The following NBAS variants were observed in gnomAD, a reference collection of about 807,000 sequenced individuals.
The protein encoded by NBAS is NBAS subunit of NRZ tethering complex.
NBAS carries 219 observed loss-of-function variants against 302.5 expected under a neutral mutation model. The ratio of observed to expected loss-of-function variants is 0.72; its 90% CI spans 0.65 to 0.81. NBAS has a LOEUF of 0.81. NBAS is among the 30% of genes least tolerant of loss of function. The probability of loss-of-function intolerance (pLI) is 0.00; values close to 1 mark genes in which losing one functional copy is unlikely to be tolerated. For synonymous variants in NBAS, 1,118 were observed against 1,021.6 expected (o/e 1.09, Z -1.80); for missense variants, 2,932 against 2,841.6 (o/e 1.03, Z -0.72).
intron 19 of NBAS, among the ~76,000 whole-genome samples, chr2:15,466,335 C>T (rs1679723897): frequency 6.6e-6 from 1 of 152,080 alleles, no homozygotes; most frequent in East Asian, 1.9e-4. Context: ...AAAGTAACCT[C>T]CAAGTGAAGT....
At chr2:15,336,113 C>A (rs1041898142) in intron 35 of NBAS, among the ~76,000 whole-genome samples, 7 of 151,294 alleles carry the variant, frequency 4.6e-5, no homozygotes, top group Admixed American at 2.0e-4. Context: ...AAAAAGAAAT[C>A]TTTGCCTGTT....
chr2:15,494,512 T>A (rs900362701), intron 11 of NBAS, among the ~76,000 whole-genome samples: 1 of 152,222 alleles, frequency 6.6e-6, no homozygotes, highest in Admixed American at 6.5e-5. Flanking sequence ...TCCAACAACA[T>A]GTCTCATTCA....
intron 11 of NBAS, among the ~76,000 whole-genome samples, chr2:15,491,675 A>C (rs889723292): frequency 6.6e-6 from 1 of 151,984 alleles, no homozygotes; most frequent in African/African-American, 2.4e-5. Flanking sequence ...GGCAGAGCTT[A>C]CAGTGAGCTG....
At chr2:14,951,507 C>A in the NBAS span, among the ~76,000 whole-genome samples, 7 of 152,190 alleles carry the variant, frequency 4.6e-5, no homozygotes, top group African/African-American at 1.7e-4. Flanking sequence ...CACGAGGAGA[C>A]AAGTGTTACT....
At chr2:14,923,593 G>T in the NBAS span, among the ~76,000 whole-genome samples, 1 of 152,176 alleles carries the variant, frequency 6.6e-6, no homozygotes, top group South Asian at 2.1e-4. Context: ...CTAAAGAAAA[G>T]GTAGGGGTGT....
intron 16 of NBAS, 108 bp downstream of exon 16, chr2:15,473,114 G>C: frequency 1.6e-6 from 2 of 1,249,438 alleles, no homozygotes; most frequent in Non-Finnish European, 2.3e-6. Context: ...TTCATTGGCT[G>C]TATTATAGAA....
intron 31 of NBAS, among the ~76,000 whole-genome samples, chr2:15,372,463 G>A (rs112035092): frequency 1.3e-5 from 2 of 152,104 alleles, no homozygotes; most frequent in African/African-American, 4.8e-5. Flanking sequence ...AATGAACTAC[G>A]TACACTGACT....
At chr2:15,447,969 C>T (rs147058380) in intron 21 of NBAS, among the ~76,000 whole-genome samples, 7 of 152,216 alleles carry the variant, frequency 4.6e-5, no homozygotes, top group South Asian at 4.1e-4. Flanking sequence ...TCAGAGGGGA[C>T]GAAGGCTGTG....
At chr2:14,868,623 C>A in the NBAS span, among the ~76,000 whole-genome samples, 1 of 152,114 alleles carries the variant, frequency 6.6e-6, no homozygotes, top group Non-Finnish European at 1.5e-5. Flanking sequence ...AGACTCAGAA[C>A]CTTTCTGTGG....
intron 40 of NBAS, among the ~76,000 whole-genome samples, chr2:15,299,714 C>T (rs1305957878): frequency 3.9e-5 from 6 of 152,080 alleles, no homozygotes; most frequent in African/African-American, 1.4e-4. Context: ...AAAGATCACA[C>T]TTCAAAATAC....
chr2:15,046,386 T>C, the NBAS span, among the ~76,000 whole-genome samples: 1 of 152,206 alleles, frequency 6.6e-6, no homozygotes, highest in African/African-American at 2.4e-5. Flanking sequence ...TCAATATATA[T>C]CAACCTCCAA....
chr2:14,786,211 T>A, the NBAS span, among the ~76,000 whole-genome samples: 3 of 152,130 alleles, frequency 2.0e-5, no homozygotes, highest in Admixed American at 2.0e-4. Context: ...TTCTTCTCTC[T>A]TTTCTTCTTT....
chr2:15,532,420 C>G (rs1212646483), intron 9 of NBAS, among the ~76,000 whole-genome samples: 2 of 142,276 alleles, frequency 1.4e-5, no homozygotes, highest in Non-Finnish European at 3.0e-5. Context: ...ACCCAAGAGG[C>G]AGAGCTTGCA....
intron 38 of NBAS, among the ~76,000 whole-genome samples, chr2:15,321,659 C>T (rs558465083): frequency 6.6e-6 from 1 of 152,140 alleles, no homozygotes; most frequent in Non-Finnish European, 1.5e-5. Flanking sequence ...TATCACTGGC[C>T]ATCAGAGAAA....
chr2:15,214,908 AC>A (rs1666585563), intron 48 of NBAS, among the ~76,000 whole-genome samples: 1 of 152,244 alleles, frequency 6.6e-6, no homozygotes, highest in Non-Finnish European at 1.5e-5. Context: ...ATCGCCTACA[AC>A]CACAAATTCA....
chr2:15,084,581 G>A, the NBAS span, among the ~76,000 whole-genome samples: 1 of 151,972 alleles, frequency 6.6e-6, no homozygotes, highest in Non-Finnish European at 1.5e-5. Flanking sequence ...TCCATAAGGT[G>A]AAACACTGAT....
chr2:15,065,408 A>G, the NBAS span, among the ~76,000 whole-genome samples: 1 of 152,122 alleles, frequency 6.6e-6, no homozygotes, highest in African/African-American at 2.4e-5. Context: ...CAGAGCAATT[A>G]GGCAAGAAAA....
At chr2:15,228,712 T>C (rs889609849) in intron 47 of NBAS, among the ~76,000 whole-genome samples, 3 of 152,186 alleles carry the variant, frequency 2.0e-5, no homozygotes, top group Non-Finnish European at 4.4e-5. Context: ...TTATGTTAAG[T>C]GAGATGAGCC....
intron 9 of NBAS, among the ~76,000 whole-genome samples, chr2:15,518,167 G>A (rs546402242): frequency 3.3e-4 from 49 of 149,056 alleles, no homozygotes; most frequent in Non-Finnish European, 5.5e-4. Flanking sequence ...GCTTTAACAC[G>A]TTGCATCAAC....
Sources: allele counts gnomAD v4.1 joint callset (sites outside exome capture counted in the v4.1 genomes callset), GRCh38; gene constraint gnomAD v4.1.1; transcripts MANE v1.5; gene names NCBI Gene and HGNC (gene_info 2026-07-23, HGNC 2026-07-21).